ANKRD50: variants seen among roughly 807,000 people sequenced by gnomAD.
ANKRD50 encodes ankyrin repeat domain 50, also known as ankyrin repeat domain-containing protein 50.
ANKRD50 carries 40 observed loss-of-function variants against 112.0 expected under a neutral mutation model. That is an observed-to-expected ratio of 0.36 (90% CI 0.28 to 0.46). The LOEUF (loss-of-function observed/expected upper bound fraction) is 0.46, where lower values mean the gene tolerates loss of function less well. ANKRD50 is among the 20% of genes least tolerant of loss of function. The probability of loss-of-function intolerance (pLI) is 1.00; values close to 1 mark genes in which losing one functional copy is unlikely to be tolerated. For synonymous variants in ANKRD50, 613 were observed against 619.1 expected, an observed-to-expected ratio of 0.99 and a Z score of 0.15; for missense variants, 1,487 against 1,701.7, an observed-to-expected ratio of 0.87 and a Z score of 2.22.
In ANKRD50 at chr4:124,666,801, C is replaced by A. The variant is rs1413598215; in HGVS notation, c.*717G>T. Reference sequence around the variant, plus strand: ...GCGGATGAAATAGGACTTTGTTCTGCCTACAGACTGGTTGGTTGTTTGTTC... The same window carrying A: ...GCGGATGAAATAGGACTTTGTTCTGACTACAGACTGGTTGGTTGTTTGTTC... On this transcript the variant is annotated 3_prime_UTR_variant, in exon 5 of 5. Coordinates refer to ENST00000504087, the MANE Select transcript of ANKRD50 (RefSeq NM_020337.3). 3 of 152,402 alleles carry A rather than the reference C, an allele frequency of 2.0e-5. No homozygotes were observed. In the East Asian group the frequency reaches 5.8e-4, roughly 30 times the overall value. The allele number at this position is 152,402 out of a possible 1,614,324, so 9.4% of individuals were successfully genotyped here. A position where few individuals can be genotyped will look rare whatever the true frequency, so the allele number is the denominator to read the frequency against.
intron 2 of ANKRD50, among the ~76,000 whole-genome samples, chr4:124,692,249 T>C (rs1039811702): frequency 9.2e-5 from 14 of 152,212 alleles, no homozygotes; most frequent in African/African-American, 2.9e-4. Context: ...CTTGTATTAA[T>C]TCAGGCTGCT....
chr4:124,673,994 G>A (rs1282230183), intron 3 of ANKRD50, among the ~76,000 whole-genome samples: 3 of 151,876 alleles, frequency 2.0e-5, no homozygotes, highest in Admixed American at 6.6e-5. Context: ...CTCACCTAAG[G>A]AGGGTTTAAA....
At chr4:124,707,289 C>T (rs1419217726) in intron 2 of ANKRD50, among the ~76,000 whole-genome samples, 1 of 151,818 alleles carries the variant, frequency 6.6e-6, no homozygotes, top group Non-Finnish European at 1.5e-5. Flanking sequence ...TCTATCCATG[C>T]CTAAATAAAA....
intron 2 of ANKRD50, among the ~76,000 whole-genome samples, chr4:124,681,240 C>T (rs993407024): frequency 6.6e-6 from 1 of 152,198 alleles, no homozygotes; most frequent in African/African-American, 2.4e-5. Flanking sequence ...GTACTTCACA[C>T]ATCCATTAAC....
rs780380270 is a variant in ANKRD50, at chr4:124,670,422, A to G, written c.2855T>C (p.Ile952Thr). ...KDADGRPTLY[I>T]LALENQLTMA... Reference sequence around the variant, plus strand: ...TGTAAGCTGATTTTCTAAGGCCAAGATATAAAGTGTAGGCCGACCATCAGC... The same window carrying G: ...TGTAAGCTGATTTTCTAAGGCCAAGGTATAAAGTGTAGGCCGACCATCAGC... Residue 952 changes from isoleucine (I) to threonine (T), a missense_variant, in exon 4 of 5, where the codon ATC (isoleucine) becomes ACC (threonine). This residue lies in a region of ANKRD50 where 1,046 missense variants were observed against 1,269.5 expected (regional missense o/e 0.82). Coordinates refer to ENST00000504087, the MANE Select transcript of ANKRD50 (RefSeq NM_020337.3). 3 of 1,613,890 alleles carry G rather than the reference A, an allele frequency of 1.9e-6. No homozygotes were observed. The Admixed American group carries it at 5.0e-5, about 27-fold the overall frequency.
At chr4:124,709,243 T>C (rs1275224080) in intron 2 of ANKRD50, among the ~76,000 whole-genome samples, 1 of 136,074 alleles carries the variant, frequency 7.3e-6, no homozygotes. Context: ...AGAGGCATGA[T>C]ATGCAAAAAA....
chr4:124,670,421 G>T lies in ANKRD50; in HGVS notation c.2856C>A (p.Ile952=), dbSNP rs189543472. Residue 952 remains isoleucine (I), a synonymous_variant, in exon 4 of 5, where the codon ATC becomes ATA. Transcript: ENST00000504087. ...TTGTAAGCTGATTTTCTAAGGCCAA[G>T]ATATAAAGTGTAGGCCGACCATCAG... is the stretch of plus-strand genomic sequence containing the variant. ...KDADGRPTLY[I]LALENQLTMA... is the part of the protein sequence containing the mutation. The T allele has an allele frequency of 2.5e-6, 4 of 1,613,852 alleles. No individual in the cohort carries two copies. The African/African-American group carries it at 5.3e-5, about 22-fold the overall frequency.
Position 124,671,406 on chromosome 4 carries a change from G to A in ANKRD50, c.1871C>T (p.Thr624Ile), listed in dbSNP as rs1730649294. 9 of 1,613,682 alleles carry A rather than the reference G, an allele frequency of 5.6e-6. No homozygotes were observed. Among genetic ancestry groups the A allele is most frequent in the Non-Finnish European group, 7.6e-6 (9 of 1,179,868 alleles). ...ALRSAAWGGHTEVVSALLYAG... is the reference protein window; with the variant it reads ...ALRSAAWGGHIEVVSALLYAG... ...ATAAAGTAGTGCAGAAACTACCTCAGTATGGCCACCCCAAGCAGCAGATCT... is the reference window on the plus strand; with the variant it reads ...ATAAAGTAGTGCAGAAACTACCTCAATATGGCCACCCCAAGCAGCAGATCT... The change falls in exon 4 of 5, where the codon ACT becomes ATT. Residue 624 changes from threonine to isoleucine, a missense_variant. This residue lies in a region of ANKRD50 where 1,046 missense variants were observed against 1,269.5 expected (regional missense o/e 0.82). Coordinates refer to ENST00000504087, the MANE Select transcript of ANKRD50 (RefSeq NM_020337.3).
At chr4:124,675,760 G>A (rs1730760293) in intron 3 of ANKRD50, among the ~76,000 whole-genome samples, 1 of 151,696 alleles carries the variant, frequency 6.6e-6, no homozygotes, top group Non-Finnish European at 1.5e-5. Context: ...TGCACAAAAT[G>A]TTTTGAAATA....
intron 2 of ANKRD50, among the ~76,000 whole-genome samples, chr4:124,706,989 C>T (rs1725520817): frequency 1.3e-5 from 2 of 151,898 alleles, no homozygotes; most frequent in South Asian, 4.2e-4. Flanking sequence ...TTCTCACCAT[C>T]CTAAAGTCAA....
At chr4:124,667,646 G>A (rs919275950) in intron 4 of ANKRD50, 132 bp from the exon 5 acceptor site, 4 of 151,892 alleles carry the variant, frequency 2.6e-5, no homozygotes, top group African/African-American at 9.7e-5. Context: ...GCACAAAGCA[G>A]ACTTAACTAT....
intron 2 of ANKRD50, among the ~76,000 whole-genome samples, chr4:124,700,637 T>C (rs1277797749): frequency 6.6e-6 from 1 of 152,230 alleles, no homozygotes. Flanking sequence ...TTTTAAATAT[T>C]TAACTTCTGT....
chr4:124,669,358 T>C lies in ANKRD50; in HGVS notation c.3919A>G (p.Arg1307Gly). 1 of 1,613,718 alleles carries C rather than the reference T, an allele frequency of 6.2e-7. No homozygotes were observed. Among genetic ancestry groups the C allele is most frequent in the Middle Eastern group, 1.7e-4 (1 of 6,056 alleles). ...LEYEMTQFDRRGPIAKSGTAA... is the reference protein window; with the variant it reads ...LEYEMTQFDRGGPIAKSGTAA... ...GTCCCGGATTTGGCTATAGGTCCTC[T>C]TCTATCAAACTGAGTCATTTCATAT... is the stretch of plus-strand genomic sequence containing the variant. Residue 1307 changes from arginine (R) to glycine (G), a missense_variant, in exon 4 of 5, where the codon AGA becomes GGA. Arg to Gly is a moderately radical substitution (Grantham distance 125). Coordinates refer to ENST00000504087, the MANE Select transcript of ANKRD50 (RefSeq NM_020337.3).
In ANKRD50 at chr4:124,671,173, C is replaced by T. The variant is rs746896584; in HGVS notation, c.2104G>A (p.Glu702Lys). ...CCATCAACATCCTCATGATTTACTT[C>T]TGCTCCATGGTCCAGTAGGTGTTCC... is the stretch of plus-strand genomic sequence containing the variant. ...IVEHLLDHGAEVNHEDVDGRT... is the reference protein window; with the variant it reads ...IVEHLLDHGAKVNHEDVDGRT... Residue 702 changes from glutamate to lysine, a missense_variant, in exon 4 of 5, where the codon GAA becomes AAA. By Grantham distance (56) the Glu-to-Lys change is moderately conservative. Around this residue, in one of 2 missense-constraint regions of ANKRD50, gnomAD observed 1,046 missense variants for 1,269.5 expected, o/e 0.82. Transcript: ENST00000504087. 6.2e-7 allele frequency: 1 copy of T among 1,613,954 alleles called. No homozygotes were observed. The highest frequency in any genetic ancestry group is 8.5e-7 in the Non-Finnish European group (1 of 1,179,872).
Position 124,670,727 on chromosome 4 carries a change from A to G in ANKRD50, c.2550T>C (p.Pro850=), listed in dbSNP as rs771388318. The change falls in exon 4 of 5, where the codon CCT becomes CCC. Residue 850 remains proline (P), a synonymous_variant. Coordinates refer to ENST00000504087, the MANE Select transcript of ANKRD50 (RefSeq NM_020337.3). ...GCCCTTCAAAAGCTGCCATGTGCAA[A>G]GGTGTCCATCCAGCATCATCTCTGT... is the stretch of plus-strand genomic sequence containing the variant. ...ENHRDDAGWT[P]LHMAAFEGHR... The G allele has an allele frequency of 9.3e-6, 15 of 1,613,632 alleles. No individual in the cohort carries two copies. Among genetic ancestry groups the G allele is most frequent in the South Asian group, 3.3e-5 (3 of 91,030 alleles).
chr4:124,706,748 T>C (rs1032107425), intron 2 of ANKRD50, among the ~76,000 whole-genome samples: 1 of 152,074 alleles, frequency 6.6e-6, no homozygotes. Context: ...AAGTCAAAAA[T>C]GCATCTGATA....
intron 2 of ANKRD50, among the ~76,000 whole-genome samples, chr4:124,703,620 G>A (rs1725442023): frequency 6.6e-6 from 1 of 151,252 alleles, no homozygotes; most frequent in South Asian, 2.1e-4. Flanking sequence ...AAGTCTGTAA[G>A]ATTACTGCCT....
chr4:124,675,675 C>T (rs1730757414), intron 3 of ANKRD50, among the ~76,000 whole-genome samples: 1 of 151,592 alleles, frequency 6.6e-6, no homozygotes, highest in Non-Finnish European at 1.5e-5. Flanking sequence ...CTAAATGGAG[C>T]CTGTAATACT....
chr4:124,673,335 A>G (rs2110509901), intron 3 of ANKRD50, among the ~76,000 whole-genome samples: 1 of 152,274 alleles, frequency 6.6e-6, no homozygotes, highest in East Asian at 1.9e-4. Context: ...TTACAGAACA[A>G]AAAACTGCTA....
Sources: gnomAD v4.1 joint callset for allele counts (sites outside exome capture counted in the v4.1 genomes callset) on GRCh38, gnomAD v4.1.1 for gene constraint, gnomAD v4.1.1 regional missense constraint, MANE v1.5 for transcripts, NCBI Gene and HGNC (gene_info 2026-07-23, HGNC 2026-07-21) for gene names.